Variants in KAZN observed in about 807,000 individuals in gnomAD.
KAZN encodes the protein kazrin, periplakin interacting protein.
A neutral mutation model predicts 87.4 loss-of-function variants in KAZN; 40 were observed. The ratio of observed to expected loss-of-function variants is 0.46; its 90% CI spans 0.36 to 0.60. The LOEUF is 0.60. KAZN is among the 20% of genes least tolerant of loss of function. KAZN has a pLI of 0.00. For missense variants in KAZN, 898 were observed against 1,073.9 expected (o/e 0.84, Z 2.29); for synonymous variants, 466 against 458.3 (o/e 1.02, Z -0.22).
At chr1:14,188,960 C>G (rs72865714) in intron 2 of KAZN, among the ~76,000 whole-genome samples, 1,780 of 152,188 alleles carry the variant, frequency 0.012, 39 homozygotes, top group African/African-American at 0.04. Context: ...GCACTTAGAA[C>G]AGGAATCCTT....
chr1:14,388,285 C>T (rs996314117), intron 2 of KAZN, among the ~76,000 whole-genome samples: 12 of 152,214 alleles, frequency 7.9e-5, no homozygotes, highest in Non-Finnish European at 1.3e-4. Context: ...CTGCATTGCT[C>T]ACGCTGGGAG....
chr1:13,924,617 C>T (rs1336534209), intron 1 of KAZN, among the ~76,000 whole-genome samples: 1 of 152,174 alleles, frequency 6.6e-6, no homozygotes, highest in Non-Finnish European at 1.5e-5. Context: ...TTTGGAGAGG[C>T]TCATCAGAAA....
intron 1 of KAZN, among the ~76,000 whole-genome samples, chr1:14,937,829 C>T (rs892713456): frequency 2.0e-5 from 3 of 152,244 alleles, no homozygotes; most frequent in South Asian, 2.1e-4. Flanking sequence ...CCCTGAAAGG[C>T]GCTGATTGCT....
intron 2 of KAZN, among the ~76,000 whole-genome samples, chr1:14,376,276 C>A (rs965525664): frequency 2.9e-4 from 44 of 152,162 alleles, no homozygotes; most frequent in African/African-American, 9.7e-4. Context: ...AATATGTCCC[C>A]CAAAGTTTAT....
chr1:15,022,620 G>A (rs904340315), intron 2 of KAZN, among the ~76,000 whole-genome samples: 4 of 152,170 alleles, frequency 2.6e-5, no homozygotes, highest in African/African-American at 9.7e-5. Flanking sequence ...CCACAGACAT[G>A]GCTGGACTTG....
chr1:15,066,417 C>A lies in KAZN; in HGVS notation c.1222+664C>A. On this transcript the variant is annotated intron_variant, in intron 8 of 14. Coordinates refer to ENST00000376030, the MANE Select transcript of KAZN (RefSeq NM_201628.3). This position sits in a 1 kb window ranked among gnomAD's most constrained non-coding sequence, Gnocchi z 4.3. ...AGTCACTTTAACCACAAAACGCCAT[C>A]GTCGTCAGGGTAAGCTCTGCTCTCT... 1.0e-6 allele frequency: 1 copy of A among 984,964 alleles called. No homozygotes were observed. The highest frequency in any genetic ancestry group is 1.2e-6 in the Non-Finnish European group (1 of 829,894). The allele number at this position is 984,964 out of a possible 1,614,324, so 61.0% of individuals were successfully genotyped here. A position where few individuals can be genotyped will look rare whatever the true frequency, so the allele number is the denominator to read the frequency against.
chr1:15,020,130 G>C (rs1467774564), intron 2 of KAZN, among the ~76,000 whole-genome samples: 2 of 152,084 alleles, frequency 1.3e-5, no homozygotes, highest in African/African-American at 2.4e-5. Context: ...TGCTACCCCA[G>C]GCGGGTGTCT....
intron 2 of KAZN, among the ~76,000 whole-genome samples, chr1:14,495,995 A>G (rs147092972): frequency 2.3e-4 from 35 of 152,292 alleles, no homozygotes; most frequent in African/African-American, 8.4e-4. Flanking sequence ...ATAGTCCACG[A>G]CTTTTTCTAA....
chr1:14,057,043 CA>C (rs527243643), intron 1 of KAZN, among the ~76,000 whole-genome samples: 22,498 of 91,696 alleles, frequency 0.25, 1,699 homozygotes, highest in Middle Eastern at 0.35. Context: ...GACCCTGTCT[CA>C]AAAAAAAAAA....
At chr1:15,014,860 G>T (rs1669921042) in intron 2 of KAZN, among the ~76,000 whole-genome samples, 1 of 152,130 alleles carries the variant, frequency 6.6e-6, no homozygotes, top group African/African-American at 2.4e-5. Flanking sequence ...CCCTCACCCT[G>T]CCTGGCACTG....
chr1:14,872,129 A>G (rs997304750), intron 1 of KAZN, among the ~76,000 whole-genome samples: 2 of 152,150 alleles, frequency 1.3e-5, no homozygotes, highest in African/African-American at 4.8e-5. Flanking sequence ...CCTTCTTTGG[A>G]AGGAATAATG....
At chr1:14,144,331 C>T (rs1022258427) in intron 1 of KAZN, among the ~76,000 whole-genome samples, 1 of 152,140 alleles carries the variant, frequency 6.6e-6, no homozygotes, top group Non-Finnish European at 1.5e-5. Context: ...TTTGGTGGAC[C>T]ACATCTTCCA....
chr1:14,858,610 G>A (rs983614164), intron 1 of KAZN, among the ~76,000 whole-genome samples: 2 of 152,194 alleles, frequency 1.3e-5, no homozygotes, highest in African/African-American at 2.4e-5. Context: ...GAACATTCAT[G>A]TACAAGTATT....
intron 1 of KAZN, among the ~76,000 whole-genome samples, chr1:13,960,695 A>G (rs1193342550): frequency 6.6e-6 from 1 of 152,198 alleles, no homozygotes; most frequent in Non-Finnish European, 1.5e-5. Context: ...TACTTGGGCT[A>G]GTGTCTCCCA....
chr1:15,035,432 C>T (rs1672162783), intron 3 of KAZN, among the ~76,000 whole-genome samples: 1 of 152,188 alleles, frequency 6.6e-6, no homozygotes, highest in African/African-American at 2.4e-5. Flanking sequence ...GTGACATATG[C>T]ATTGGGCTCT....
chr1:14,105,102 T>G (rs1007639543), intron 1 of KAZN, among the ~76,000 whole-genome samples: 2 of 152,326 alleles, frequency 1.3e-5, no homozygotes, highest in South Asian at 2.1e-4. Flanking sequence ...ATTGACTGTA[T>G]GCCAGGTTCT....
intron 8 of KAZN, among the ~76,000 whole-genome samples, chr1:15,091,340 G>GTTGTTTT (rs373326892): frequency 1.3e-5 from 2 of 152,062 alleles, no homozygotes; most frequent in Non-Finnish European, 2.9e-5. Context: ...GCTGTGTTTT[G>GTTGTTTT]TTGTTTTTTG....
At chr1:14,771,682 C>T (rs955329090) in intron 1 of KAZN, among the ~76,000 whole-genome samples, 4 of 152,038 alleles carry the variant, frequency 2.6e-5, no homozygotes. Context: ...AAAAATTAGC[C>T]AGGCCTGGTG....
At chr1:15,106,725 C>G (rs1213515459) in intron 13 of KAZN, among the ~76,000 whole-genome samples, 1 of 152,084 alleles carries the variant, frequency 6.6e-6, no homozygotes, top group Admixed American at 6.5e-5. Flanking sequence ...AGTCTCTTCC[C>G]ACAACTTTGA....
Sources: allele counts gnomAD v4.1 joint callset (sites outside exome capture counted in the v4.1 genomes callset), GRCh38; gene constraint gnomAD v4.1.1; non-coding constraint Gnocchi (gnomAD v3.1); transcripts MANE v1.5; gene names NCBI Gene and HGNC (gene_info 2026-07-23, HGNC 2026-07-21).